ZDHHC14: variants seen among roughly 807,000 people sequenced by gnomAD.
The protein encoded by ZDHHC14 is palmitoyltransferase ZDHHC14.
In ZDHHC14, 16 loss-of-function variants were observed where a neutral mutation model predicts 47.7. The observed-to-expected ratio is 0.34, with a 90% confidence interval of 0.23 to 0.51. The LOEUF is 0.51. Among genes scored for constraint, ZDHHC14 ranks in the 20% least tolerant of loss-of-function variants. The probability of loss-of-function intolerance (pLI) is 0.97; values close to 1 mark genes in which losing one functional copy is unlikely to be tolerated. For missense variants in ZDHHC14, 515 were observed against 662.5 expected, an observed-to-expected ratio of 0.78 and a Z score of 2.44; for synonymous variants, 293 against 278.9, an observed-to-expected ratio of 1.05 and a Z score of -0.50.
chr6:157,516,243 C>A (rs1338477740), intron 1 of ZDHHC14, among the ~76,000 whole-genome samples: 1 of 152,216 alleles, frequency 6.6e-6, no homozygotes, highest in Admixed American at 6.5e-5. Context: ...TTACTACATT[C>A]TAACGTTGAT....
chr6:157,383,135 T>C (rs1006421131), intron 1 of ZDHHC14, among the ~76,000 whole-genome samples: 1 of 152,192 alleles, frequency 6.6e-6, no homozygotes, highest in African/African-American at 2.4e-5. Context: ...TAATGAAAGG[T>C]CTTCTTATTT....
At chr6:157,392,225 T>C (rs2114736236) in intron 1 of ZDHHC14, among the ~76,000 whole-genome samples, 1 of 152,328 alleles carries the variant, frequency 6.6e-6, no homozygotes, top group African/African-American at 2.4e-5. Context: ...TATCAACTAA[T>C]CATTGAAGTT....
chr6:157,396,419 A>G (rs560945063), intron 1 of ZDHHC14, among the ~76,000 whole-genome samples: 2 of 152,278 alleles, frequency 1.3e-5, no homozygotes, highest in African/African-American at 2.4e-5. Context: ...CACATTCTTG[A>G]TGGCAGATAA....
intron 1 of ZDHHC14, among the ~76,000 whole-genome samples, chr6:157,386,327 T>C (rs1342954468): frequency 6.6e-6 from 1 of 152,152 alleles, no homozygotes; most frequent in Non-Finnish European, 1.5e-5. Context: ...GGCAACATAG[T>C]GAGACCCCAT....
At chr6:157,408,742 A>G (rs906335908) in intron 1 of ZDHHC14, among the ~76,000 whole-genome samples, 3 of 152,290 alleles carry the variant, frequency 2.0e-5, no homozygotes, top group African/African-American at 7.2e-5. Flanking sequence ...TGTCTTTGCT[A>G]CTGTGAATAG....
intron 2 of ZDHHC14, among the ~76,000 whole-genome samples, chr6:157,551,573 C>A (rs914956050): frequency 6.6e-6 from 1 of 152,210 alleles, no homozygotes; most frequent in Admixed American, 6.5e-5. Context: ...GGCCCTGACT[C>A]ACCTGGTAAA....
At chr6:157,619,284 G>A (rs994889794) in intron 3 of ZDHHC14, among the ~76,000 whole-genome samples, 18 of 151,668 alleles carry the variant, frequency 1.2e-4, no homozygotes, top group East Asian at 1.9e-4. Context: ...CCAGCTACTC[G>A]GGAGCCTGAG....
chr6:157,655,617 G>A (rs1170280003), intron 8 of ZDHHC14, among the ~76,000 whole-genome samples: 3 of 152,190 alleles, frequency 2.0e-5, no homozygotes, highest in Non-Finnish European at 4.4e-5. Context: ...CATTCAATCA[G>A]CCACTCTACC....
chr6:157,635,120 A>C (rs1338421669), intron 5 of ZDHHC14, among the ~76,000 whole-genome samples: 1 of 151,872 alleles, frequency 6.6e-6, no homozygotes, highest in Non-Finnish European at 1.5e-5. Context: ...CAGCCTCCTG[A>C]GTAGCTGGGA....
chr6:157,507,922 T>A (rs1780369487), intron 1 of ZDHHC14, among the ~76,000 whole-genome samples: 1 of 152,206 alleles, frequency 6.6e-6, no homozygotes, highest in African/African-American at 2.4e-5. Flanking sequence ...ATTTTAAATA[T>A]CTGAAAATAT....
At chr6:157,395,412 C>T (rs1047403674) in intron 1 of ZDHHC14, among the ~76,000 whole-genome samples, 5 of 151,536 alleles carry the variant, frequency 3.3e-5, no homozygotes, top group African/African-American at 1.2e-4. Context: ...GTGATCCTTC[C>T]ACTTCGGCCT....
chr6:157,632,673 T>C, intron 4 of ZDHHC14, 161 bp from the exon 5 acceptor site: 1 of 713,166 alleles, frequency 1.4e-6, no homozygotes, highest in Admixed American at 2.2e-5. Context: ...AAAACTTTAG[T>C]GGCATCTCAA....
At chr6:157,612,276 A>C (rs139068382) in intron 3 of ZDHHC14, among the ~76,000 whole-genome samples, 3,004 of 152,226 alleles carry the variant, frequency 0.02, 48 homozygotes, top group Non-Finnish European at 0.028. Flanking sequence ...CTCGGAGGAC[A>C]CCCACCATCC....
chr6:157,431,842 A>T (rs906976696), intron 1 of ZDHHC14, among the ~76,000 whole-genome samples: 3 of 149,588 alleles, frequency 2.0e-5, no homozygotes, highest in Non-Finnish European at 3.0e-5. Context: ...CGATCCTCCC[A>T]CCTCAGCCTG....
At chr6:157,564,260 G>A (rs1383011208) in intron 2 of ZDHHC14, among the ~76,000 whole-genome samples, 10 of 152,166 alleles carry the variant, frequency 6.6e-5, no homozygotes, top group Non-Finnish European at 1.0e-4. Flanking sequence ...TAATCAGGCA[G>A]AAGACAAAGA....
intron 1 of ZDHHC14, among the ~76,000 whole-genome samples, chr6:157,485,060 G>A (rs1384844162): frequency 3.3e-5 from 5 of 152,070 alleles, no homozygotes; most frequent in South Asian, 2.1e-4. Context: ...TCGCGCCACC[G>A]CACTCCAGCC....
intron 1 of ZDHHC14, among the ~76,000 whole-genome samples, chr6:157,448,038 C>CTTTA (rs200560211): frequency 0.013 from 1,943 of 151,942 alleles, 42 homozygotes; most frequent in African/African-American, 0.044. Flanking sequence ...CACCTGGCTA[C>CTTTA]TTTATTTATT....
intron 3 of ZDHHC14, among the ~76,000 whole-genome samples, chr6:157,610,137 C>T (rs879341359): frequency 2.6e-5 from 4 of 151,982 alleles, no homozygotes; most frequent in East Asian, 3.9e-4. Context: ...ATCCCACCCA[C>T]GACCTGAGTC....
At chr6:157,442,209 T>C (rs1006907863) in intron 1 of ZDHHC14, among the ~76,000 whole-genome samples, 2 of 151,968 alleles carry the variant, frequency 1.3e-5, no homozygotes, top group African/African-American at 4.8e-5. Context: ...CTAGGCAACA[T>C]GGTGAAACCA....
Sources: allele counts gnomAD v4.1 joint callset (sites outside exome capture counted in the v4.1 genomes callset), GRCh38; gene constraint gnomAD v4.1.1; transcripts MANE v1.5; gene names NCBI Gene and HGNC (gene_info 2026-07-23, HGNC 2026-07-21).